Variants in COBL observed in about 807,000 individuals in gnomAD.
The protein encoded by COBL is cordon-bleu WH2 repeat protein.
COBL carries 51 observed loss-of-function variants against 98.8 expected under a neutral mutation model. The observed-to-expected ratio is 0.52, with a 90% CI of 0.41 to 0.65. The LOEUF is 0.65. Ranked by LOEUF, COBL falls within the 30% of genes least tolerant of loss-of-function variation. The pLI is 0.00. For synonymous variants in COBL, 634 were observed against 651.7 expected, an observed-to-expected ratio of 0.97 and a Z score of 0.41; for missense variants, 1,617 against 1,617.5, an observed-to-expected ratio of 1.00 and a Z score of 0.01.
intron 4 of COBL, among the ~76,000 whole-genome samples, chr7:51,190,342 G>A (rs993736988): frequency 2.0e-5 from 3 of 151,946 alleles, no homozygotes; most frequent in Non-Finnish European, 4.4e-5. Context: ...TCCAGTAGAT[G>A]GGACTACAGG....
chr7:51,263,323 C>G (rs968681395), intron 1 of COBL, among the ~76,000 whole-genome samples: 2 of 152,160 alleles, frequency 1.3e-5, no homozygotes, highest in Non-Finnish European at 2.9e-5. Context: ...CATGCACTCC[C>G]ACGTGTGAGA....
At chr7:51,147,571 G>A (rs1785144766) in intron 5 of COBL, among the ~76,000 whole-genome samples, 1 of 152,116 alleles carries the variant, frequency 6.6e-6, no homozygotes, top group Non-Finnish European at 1.5e-5. Flanking sequence ...AGCAAAGGTA[G>A]AGGAGAACAA....
At chr7:51,027,450 T>C (rs2128870062) in intron 10 of COBL, among the ~76,000 whole-genome samples, 2 of 152,334 alleles carry the variant, frequency 1.3e-5, no homozygotes, top group East Asian at 3.9e-4. Flanking sequence ...TCACTGGCTG[T>C]TACCTTTCCC....
intron 1 of COBL, among the ~76,000 whole-genome samples, chr7:51,239,493 A>G (rs1795572587): frequency 6.6e-6 from 1 of 152,130 alleles, no homozygotes; most frequent in African/African-American, 2.4e-5. Flanking sequence ...AATAATCCAC[A>G]CCTTGTTTAG....
intron 1 of COBL, among the ~76,000 whole-genome samples, chr7:51,315,731 C>G (rs1474422751): frequency 1.3e-5 from 2 of 151,938 alleles, no homozygotes; most frequent in African/African-American, 4.9e-5. Context: ...GCACGGCGCA[C>G]CTGGCTCGGG....
At chr7:51,283,296 T>C (rs1317657149) in intron 1 of COBL, among the ~76,000 whole-genome samples, 3 of 152,034 alleles carry the variant, frequency 2.0e-5, no homozygotes. Context: ...AAAAAGAAGA[T>C]ATCACTACAG....
chr7:51,277,540 G>A (rs919175012), intron 1 of COBL, among the ~76,000 whole-genome samples: 3 of 152,198 alleles, frequency 2.0e-5, no homozygotes, highest in South Asian at 2.1e-4. Flanking sequence ...CAGCTCACAC[G>A]CAGCAAGAGT....
At chr7:51,046,027 G>A (rs1335875879) in intron 7 of COBL, among the ~76,000 whole-genome samples, 4 of 151,848 alleles carry the variant, frequency 2.6e-5, no homozygotes, top group Admixed American at 2.0e-4. Context: ...ACAGCCCTGC[G>A]ACACCATTCA....
chr7:51,084,400 G>C (rs1793995116), intron 7 of COBL, among the ~76,000 whole-genome samples: 1 of 152,140 alleles, frequency 6.6e-6, no homozygotes, highest in South Asian at 2.1e-4. Flanking sequence ...TCTCAGCTCA[G>C]GAAGGTGTGA....
At chr7:51,292,978 CAT>C (rs974495740) in intron 1 of COBL, among the ~76,000 whole-genome samples, 4 of 152,236 alleles carry the variant, frequency 2.6e-5, no homozygotes, top group Admixed American at 6.5e-5. Flanking sequence ...TTACTAAACA[CAT>C]GTGATGCGCC....
intron 7 of COBL, among the ~76,000 whole-genome samples, chr7:51,074,438 C>T (rs1282338959): frequency 6.6e-6 from 1 of 152,112 alleles, no homozygotes; most frequent in Non-Finnish European, 1.5e-5. Flanking sequence ...TCGTGATCCA[C>T]CCGCCTCAGC....
chr7:51,164,258 G>A lies in COBL; in HGVS notation c.783+19844C>T, dbSNP rs111564042. Among the ~76,000 whole-genome samples the A allele has an allele frequency of 6.6e-5, 10 of 152,118 alleles. 1 individual carries two copies. The highest frequency in any genetic ancestry group is 2.4e-4 in the African/African-American group (10 of 41,496). ...CATCTTAAACCTAGAGAAAGTTACC[G>A]ATATCCAAAGAAGGTAATAGAATAC... On this transcript the variant is annotated intron_variant, in intron 5 of 12. Transcript: ENST00000265136.
intron 1 of COBL, among the ~76,000 whole-genome samples, chr7:51,242,393 C>T (rs1054405030): frequency 6.6e-6 from 1 of 152,216 alleles, no homozygotes; most frequent in Non-Finnish European, 1.5e-5. Flanking sequence ...TCTCTGCTTT[C>T]ATTGCTTCAT....
intron 5 of COBL, among the ~76,000 whole-genome samples, chr7:51,154,064 C>T (rs888514549): frequency 5.3e-5 from 8 of 152,174 alleles, no homozygotes; most frequent in African/African-American, 1.7e-4. Flanking sequence ...CCAACCTTGG[C>T]AGATGCAACC....
chr7:51,108,087 G>A (rs1258022500), intron 6 of COBL, among the ~76,000 whole-genome samples: 1 of 152,080 alleles, frequency 6.6e-6, no homozygotes, highest in African/African-American at 2.4e-5. Flanking sequence ...GTCAGATCCA[G>A]GGCTCACCCA....
Position 51,136,329 on chromosome 7 carries a change from G to C in COBL, c.786C>G (p.Gly262=), listed in dbSNP as rs1358497520. 1 of 1,610,638 alleles carries C rather than the reference G, an allele frequency of 6.2e-7. No individual in the cohort carries two copies. The highest frequency in any genetic ancestry group is 2.2e-5 in the East Asian group (1 of 44,844). ...FKVNKRSNSK[G]CLTTPNSPSM... is the part of the protein sequence containing the mutation. ...ATGGGGAGTTGGGGGTCGTTAAACA[G>C]CCCTGTTGGGGAAGAGACAAACAGA... Residue 262 remains glycine, a splice_region_variant and synonymous_variant, in exon 6 of 13, where the codon GGC becomes GGG. Coordinates refer to ENST00000265136, the MANE Select transcript of COBL (RefSeq NM_015198.5).
At chr7:51,284,081 C>T (rs948109223) in intron 1 of COBL, among the ~76,000 whole-genome samples, 16 of 137,920 alleles carry the variant, frequency 1.2e-4, no homozygotes, top group East Asian at 6.3e-4. Context: ...GTCAGGAGAT[C>T]GAGACCATCC....
At chr7:51,299,949 G>A (rs1801773397) in intron 1 of COBL, among the ~76,000 whole-genome samples, 1 of 152,108 alleles carries the variant, frequency 6.6e-6, no homozygotes. Flanking sequence ...CACTCCTAGT[G>A]GTGCACTCAT....
intron 1 of COBL, among the ~76,000 whole-genome samples, chr7:51,230,186 G>C (rs1473125024): frequency 1.3e-5 from 2 of 152,212 alleles, no homozygotes; most frequent in East Asian, 3.9e-4. Context: ...CTCCTACGTG[G>C]ACACCACACC....
Sources: allele counts gnomAD v4.1 joint callset (sites outside exome capture counted in the v4.1 genomes callset), GRCh38; gene constraint gnomAD v4.1.1; transcripts MANE v1.5; gene names NCBI Gene and HGNC (gene_info 2026-07-23, HGNC 2026-07-21).